SLC26A7: variants seen among roughly 807,000 people sequenced by gnomAD.
SLC26A7 encodes anion exchange transporter.
Under a neutral mutation model 82.5 loss-of-function variants are expected in SLC26A7, and 59 were observed. The observed-to-expected ratio is 0.72, with a 90% CI of 0.58 to 0.89. The LOEUF (loss-of-function observed/expected upper bound fraction) is 0.89, where lower values mean the gene tolerates loss of function less well. SLC26A7 is among the 40% of genes least tolerant of loss of function. SLC26A7 has a pLI of 0.00. For synonymous variants in SLC26A7, 271 were observed against 274.3 expected, an observed-to-expected ratio of 0.99 and a Z score of 0.12; for missense variants, 820 against 793.0, an observed-to-expected ratio of 1.03 and a Z score of -0.41.
intron 14 of SLC26A7, among the ~76,000 whole-genome samples, chr8:91,369,045 G>A (rs1216048406): frequency 2.0e-5 from 3 of 152,150 alleles, no homozygotes; most frequent in African/African-American, 7.2e-5. Flanking sequence ...GTAGTGGCTG[G>A]GAACAAGAGG....
intron 16 of SLC26A7, among the ~76,000 whole-genome samples, chr8:91,389,694 A>C (rs1814900667): frequency 6.6e-6 from 1 of 152,176 alleles, no homozygotes; most frequent in African/African-American, 2.4e-5. Flanking sequence ...AGAACAGTAC[A>C]TAGACTTGAG....
chr8:91,298,442 A>G (rs1217107099), intron 4 of SLC26A7, among the ~76,000 whole-genome samples: 3 of 151,996 alleles, frequency 2.0e-5, no homozygotes, highest in Admixed American at 6.6e-5. Flanking sequence ...TTTTCCTCCA[A>G]TGTCTTGTAT....
chr8:91,358,223 C>A (rs1813931120), intron 11 of SLC26A7, among the ~76,000 whole-genome samples: 1 of 152,048 alleles, frequency 6.6e-6, no homozygotes, highest in African/African-American at 2.4e-5. Context: ...GGATCTAGAA[C>A]TGGAAATACC....
intron 5 of SLC26A7, among the ~76,000 whole-genome samples, chr8:91,324,896 G>A (rs911304005): frequency 6.6e-6 from 1 of 152,128 alleles, no homozygotes; most frequent in Non-Finnish European, 1.5e-5. Flanking sequence ...TCAGTTAAGA[G>A]TATTCTATGA....
chr8:91,311,694 T>A (rs1200474902), intron 4 of SLC26A7, among the ~76,000 whole-genome samples: 1 of 152,068 alleles, frequency 6.6e-6, no homozygotes, highest in Non-Finnish European at 1.5e-5. Flanking sequence ...CACAAAAAAA[T>A]GGTCTATGGT....
At chr8:91,318,135 G>T in intron 4 of SLC26A7, 81 bp from the exon 5 acceptor site, 3 of 1,168,650 alleles carry the variant, frequency 2.6e-6, no homozygotes, top group South Asian at 3.2e-5. Context: ...ATGAAAATGA[G>T]AATGTGTCAA....
At chr8:91,220,927 C>T (rs945400934) in intron 2 of SLC26A7, among the ~76,000 whole-genome samples, 5 of 152,318 alleles carry the variant, frequency 3.3e-5, no homozygotes, top group African/African-American at 1.2e-4. Context: ...GGAATAGCCA[C>T]ACTGTCTTCC....
At chr8:91,303,869 C>T (rs1200395770) in intron 4 of SLC26A7, among the ~76,000 whole-genome samples, 1 of 152,144 alleles carries the variant, frequency 6.6e-6, no homozygotes, top group Admixed American at 6.6e-5. Context: ...TTTTGTAATG[C>T]AGGAGGAGGA....
chr8:91,351,731 C>T (rs1465514077), intron 9 of SLC26A7, 79 bp from the exon 10 acceptor site: 46 of 854,206 alleles, frequency 5.4e-5, no homozygotes, highest in Non-Finnish European at 5.8e-6. Flanking sequence ...TAAGAATTAT[C>T]CCCCCCACCC....
At chr8:91,390,682 A>G (rs1814940338) in intron 16 of SLC26A7, among the ~76,000 whole-genome samples, 1 of 151,728 alleles carries the variant, frequency 6.6e-6, no homozygotes, top group Non-Finnish European at 1.5e-5. Flanking sequence ...AACCTTATGG[A>G]AATTTCTAGA....
chr8:91,333,594 T>A (rs1297035867), intron 5 of SLC26A7, among the ~76,000 whole-genome samples: 1 of 152,036 alleles, frequency 6.6e-6, no homozygotes, highest in Non-Finnish European at 1.5e-5. Context: ...CCACCACCAC[T>A]CAAAACCCTA....
At chr8:91,311,689 A>T (rs1439778258) in intron 4 of SLC26A7, among the ~76,000 whole-genome samples, 1 of 152,188 alleles carries the variant, frequency 6.6e-6, no homozygotes, top group Non-Finnish European at 1.5e-5. Context: ...GGCATCACAA[A>T]AAAATGGTCT....
intron 2 of SLC26A7, among the ~76,000 whole-genome samples, chr8:91,226,097 T>A (rs1233637062): frequency 1.3e-5 from 2 of 152,204 alleles, no homozygotes; most frequent in African/African-American, 2.4e-5. Flanking sequence ...TTTGAGTGCT[T>A]TTTCTTTATC....
At chr8:91,393,744 C>T (rs1174611464) in intron 16 of SLC26A7, 53 bp from the exon 17 acceptor site, 3 of 1,580,962 alleles carry the variant, frequency 1.9e-6, no homozygotes, top group East Asian at 2.2e-5. Flanking sequence ...ATCTTATTTC[C>T]TCCTGCTGGC....
chr8:91,224,927 T>G (rs564665596), intron 2 of SLC26A7, among the ~76,000 whole-genome samples: 4 of 152,254 alleles, frequency 2.6e-5, no homozygotes, highest in African/African-American at 9.6e-5. Context: ...CACTGAAGGA[T>G]GGGTCAGGGT....
At chr8:91,230,210 T>G (rs1388640559) in intron 2 of SLC26A7, among the ~76,000 whole-genome samples, 1 of 152,212 alleles carries the variant, frequency 6.6e-6, no homozygotes, top group Non-Finnish European at 1.5e-5. Context: ...ATTCTCCAAT[T>G]TGGGCTTGTC....
chr8:91,287,860 C>T (rs976645003), intron 2 of SLC26A7, among the ~76,000 whole-genome samples: 2 of 152,180 alleles, frequency 1.3e-5, no homozygotes, highest in African/African-American at 4.8e-5. Context: ...CCCTTAACAC[C>T]ATCCTTTCTA....
At chr8:91,278,770 ATTCTC>A (rs1237524049) in intron 2 of SLC26A7, among the ~76,000 whole-genome samples, 1 of 152,078 alleles carries the variant, frequency 6.6e-6, no homozygotes, top group African/African-American at 2.4e-5. Flanking sequence ...CTTAAAATCT[ATTCTC>A]TTAGCAATTT....
chr8:91,325,080 G>T (rs1233905066), intron 5 of SLC26A7, among the ~76,000 whole-genome samples: 1 of 152,132 alleles, frequency 6.6e-6, no homozygotes, highest in South Asian at 2.1e-4. Context: ...TGTTTTATAT[G>T]TGTAGCTGGC....
Sources: gnomAD v4.1 joint callset for allele counts (sites outside exome capture counted in the v4.1 genomes callset) on GRCh38, gnomAD v4.1.1 for gene constraint, MANE v1.5 for transcripts, NCBI Gene and HGNC (gene_info 2026-07-23, HGNC 2026-07-21) for gene names.